TRIP13: variants seen among roughly 807,000 people sequenced by gnomAD.
TRIP13 encodes the protein pachytene checkpoint protein 2 homolog.
In TRIP13, 25 loss-of-function variants were observed where a neutral mutation model predicts 54.4. The observed-to-expected ratio is 0.46, with a 90% confidence interval of 0.33 to 0.64. The LOEUF is 0.64. Ranked by LOEUF, TRIP13 falls within the 30% of genes least tolerant of loss-of-function variation. TRIP13 has a pLI of 0.02. For synonymous variants in TRIP13, 207 were observed against 207.8 expected (o/e 1.00, Z 0.03); for missense variants, 373 against 534.2 (o/e 0.70, Z 2.97).
At position 908,443 on chromosome 5, in the gene TRIP13, A is replaced by G; in HGVS notation, c.848A>G (p.Gln283Arg). The G allele has an allele frequency of 1.2e-6, 2 of 1,613,842 alleles. No individual in the cohort carries two copies. Among genetic ancestry groups the G allele is most frequent in the African/African-American group, 1.3e-5 (1 of 75,032 alleles). ...CGCGTGGTCAATGCTGTCTTGACCC[A>G]AATTGATCAGATTAAAAGGTAACCA... The part of the protein sequence containing the change: ...AIRVVNAVLT[Q>R]IDQIKRHSNV... The change falls in exon 9 of 13, where the codon CAA becomes CGA. Residue 283 changes from glutamine (Q) to arginine (R), a missense_variant. Gln to Arg is a conservative substitution (Grantham distance 43). This residue lies in a region of TRIP13 where 119 missense variants were observed against 223.0 expected (regional missense o/e 0.53). Transcript: ENST00000166345. The surrounding 1 kb of genome is among the most constrained non-coding windows in gnomAD (Gnocchi z 5.2).
chr5:917,151 A>G lies in TRIP13; in HGVS notation c.*48A>G, dbSNP rs1754358792. 1 of 1,592,618 alleles carries G rather than the reference A, an allele frequency of 6.3e-7. No individual in the cohort carries two copies. Among genetic ancestry groups the G allele is most frequent in the South Asian group, 1.1e-5 (1 of 90,044 alleles). On this transcript the variant is annotated 3_prime_UTR_variant, in exon 13 of 13. Coordinates refer to ENST00000166345, the MANE Select transcript of TRIP13 (RefSeq NM_004237.4). ...CTTTTCCCATGGAGAACACACAACC[A>G]GTAAGTGAGGTTGCCCCACACAGCC...
chr5:901,289 G>A, intron 4 of TRIP13, 52 bp from the exon 5 acceptor site: 2 of 1,566,468 alleles, frequency 1.3e-6, no homozygotes, highest in Non-Finnish European at 8.8e-7. Flanking sequence ...ATTTCTTGGG[G>A]ACCTTTGCCT....
At chr5:909,245 A>T (rs1458728527) in intron 9 of TRIP13, among the ~76,000 whole-genome samples, 1 of 152,152 alleles carries the variant, frequency 6.6e-6, no homozygotes, top group Non-Finnish European at 1.5e-5. Context: ...AAGCTTAAGG[A>T]GCGACAGCTG....
Position 908,635 on chromosome 5 carries a change from T to G in TRIP13, c.866+174T>G. ...TTGGAAGCAGCATATCACAAATGCT[T>G]TTTAAAGAAATTGTTTTTAGTGTGT... On this transcript the variant is annotated intron_variant, in intron 9 of 12. Transcript: ENST00000166345. This position sits in a 1 kb window ranked among gnomAD's most constrained non-coding sequence, Gnocchi z 5.2. 1 of 1,436,952 alleles carries G rather than the reference T, an allele frequency of 7.0e-7. No individual in the cohort carries two copies. Among genetic ancestry groups the G allele is most frequent in the Non-Finnish European group, 9.1e-7 (1 of 1,095,966 alleles). The allele number at this position is 1,436,952 out of a possible 1,614,324, so 89.0% of individuals were successfully genotyped here.
Position 893,108 on chromosome 5 carries a change from GAC to G in TRIP13, c.92+22_92+23del. 6.4e-7 allele frequency: 1 copy of G among 1,573,674 alleles called. No homozygotes were observed. The highest frequency in any genetic ancestry group is 8.6e-7 in the Non-Finnish European group (1 of 1,166,342). ...GGCAGCAGGTGAGCCGGACCTGTCCGACACATCCTCTGGGCACCCACCCGCCC... is the reference window on the plus strand; with the variant it reads ...GGCAGCAGGTGAGCCGGACCTGTCCGACATCCTCTGGGCACCCACCCGCCC... On this transcript the variant is annotated intron_variant, in intron 1 of 12. Coordinates refer to ENST00000166345, the MANE Select transcript of TRIP13 (RefSeq NM_004237.4).
rs1727742094 is a variant in TRIP13 at position 915,907 on chromosome 5, G to C, written c.1137G>C (p.Lys379Asn). The C allele has an allele frequency of 6.2e-7, 1 of 1,614,154 alleles. No homozygotes were observed. Among genetic ancestry groups the C allele is most frequent in the Non-Finnish European group, 8.5e-7 (1 of 1,180,006 alleles). ...GAACTGGGTTTTCTTTACACAGGAAGAGCGAGGGCCTCAGCGGCCGGGTCC... is the reference window on the plus strand; with the variant it reads ...GAACTGGGTTTTCTTTACACAGGAACAGCGAGGGCCTCAGCGGCCGGGTCC... The part of the protein sequence containing the change: ...LSLLLNDISR[K>N]SEGLSGRVLR... Residue 379 changes from lysine (K) to asparagine (N), a missense_variant, in exon 12 of 13, where the codon AAG becomes AAC. Physicochemically the swap from Lys to Asn is moderately conservative, Grantham distance 94. Transcript: ENST00000166345. The surrounding 1 kb of genome is among the most constrained non-coding windows in gnomAD (Gnocchi z 4.2).
intron 3 of TRIP13, among the ~76,000 whole-genome samples, chr5:900,160 A>C (rs61574392): frequency 0.022 from 3,412 of 152,364 alleles, 127 homozygotes; most frequent in African/African-American, 0.074. Context: ...ATGGAAAATA[A>C]ATGACAACAA....
chr5:909,991 GTTATGGCCAGTTTTGGGGCCAGT>G (rs1252902683), intron 9 of TRIP13, among the ~76,000 whole-genome samples: 2 of 152,182 alleles, frequency 1.3e-5, no homozygotes, highest in Non-Finnish European at 2.9e-5. Flanking sequence ...CAGAGATTTT[GTTATGGCCAGTTTTGGGGCCAGT>G]TTATGGCCAG....
At position 911,443 on chromosome 5, in the gene TRIP13, C is replaced by T. The variant is rs539236102; in HGVS notation, c.867-400C>T. ...AAAATTAGCCGGGCACGGTGGCGGGCGCCTGTAGTCCCGGCTACTTGGGAG... is the reference window on the plus strand; with the variant it reads ...AAAATTAGCCGGGCACGGTGGCGGGTGCCTGTAGTCCCGGCTACTTGGGAG... On this transcript the variant is annotated intron_variant, in intron 9 of 12. Transcript: ENST00000166345. This position sits in a 1 kb window ranked among gnomAD's most constrained non-coding sequence, Gnocchi z 4.7. Among the ~76,000 whole-genome samples the T allele has an allele frequency of 8.5e-5, 13 of 152,106 alleles. No individual in the cohort carries two copies. The highest frequency in any genetic ancestry group is 1.9e-4 in the East Asian group (1 of 5,184).
intron 11 of TRIP13, among the ~76,000 whole-genome samples, chr5:914,901 C>CA (rs1476789716): frequency 6.6e-6 from 1 of 152,114 alleles, no homozygotes; most frequent in Non-Finnish European, 1.5e-5. Flanking sequence ...TTTGGGGGTC[C>CA]AGGGAGGGTG....
At chr5:895,781 A>G (rs1006896003) in intron 2 of TRIP13, among the ~76,000 whole-genome samples, 21 of 152,228 alleles carry the variant, frequency 1.4e-4, no homozygotes, top group African/African-American at 5.1e-4. Context: ...ACTTGTAGGA[A>G]TTTATCGTAG....
At chr5:909,877 G>T (rs1294007654) in intron 9 of TRIP13, among the ~76,000 whole-genome samples, 1 of 152,226 alleles carries the variant, frequency 6.6e-6, no homozygotes, top group African/African-American at 2.4e-5. Context: ...GCCTTTAAGC[G>T]GTTTTCCACC....
chr5:904,312 A>G (rs2150685802), intron 6 of TRIP13, 92 bp downstream of exon 6: 1 of 1,049,100 alleles, frequency 9.5e-7, no homozygotes, highest in South Asian at 1.5e-5. Flanking sequence ...TTTTACGCAA[A>G]TAATAGATTC....
In TRIP13 at chr5:911,490, G is replaced by A. The variant is rs760619851; in HGVS notation, c.867-353G>A. 2.6e-5 allele frequency among the ~76,000 whole-genome samples: 4 copies of A among 151,934 alleles called. No individual in the cohort carries two copies. Among genetic ancestry groups the A allele is most frequent in the African/African-American group, 7.3e-5 (3 of 41,358 alleles). The stretch of plus-strand genomic sequence containing the variant: ...GGAGGCTGAGGCAGGAGAATGGTGT[G>A]AACCGGCGAGGCGGAGCTTGCAGTG... On this transcript the variant is annotated intron_variant, in intron 9 of 12. Transcript: ENST00000166345. This position sits in a 1 kb window ranked among gnomAD's most constrained non-coding sequence, Gnocchi z 4.7.
chr5:903,261 T>C (rs1307533175), intron 5 of TRIP13, among the ~76,000 whole-genome samples: 4 of 152,126 alleles, frequency 2.6e-5, no homozygotes, highest in Admixed American at 2.6e-4. Context: ...GCATTACTGC[T>C]AGACCAAGGA....
chr5:901,228 G>A lies in TRIP13; in HGVS notation c.445-113G>A, dbSNP rs540903047. ...TGATGATCTCTTAGGAGGCGGCCTC[G>A]CTCCCTGTGCTCCCTCTTCTCATGT... On this transcript the variant is annotated intron_variant, in intron 4 of 12. Transcript: ENST00000166345. 2.1e-5 allele frequency: 18 copies of A among 857,974 alleles called. No individual in the cohort carries two copies. The African/African-American group carries it at 2.6e-4, about 12-fold the overall frequency. The allele number at this position is 857,974 out of a possible 1,614,324, so 53.1% of individuals were successfully genotyped here.
chr5:893,097 C>T lies in TRIP13; in HGVS notation c.92+7C>T, dbSNP rs372025378. On this transcript the variant is annotated splice_region_variant and intron_variant, in intron 1 of 12. Coordinates refer to ENST00000166345, the MANE Select transcript of TRIP13 (RefSeq NM_004237.4). The stretch of plus-strand genomic sequence containing the variant: ...TGCATCAGCGCGGCAGCAGGTGAGC[C>T]GGACCTGTCCGACACATCCTCTGGG... The T allele has an allele frequency of 1.9e-5, 30 of 1,583,352 alleles. No individual in the cohort carries two copies. Among genetic ancestry groups the T allele is most frequent in the Middle Eastern group, 3.4e-4 (2 of 5,966 alleles).
chr5:914,682 C>T (rs947095231), intron 11 of TRIP13, 105 bp downstream of exon 11: 4 of 839,330 alleles, frequency 4.8e-6, no homozygotes, highest in African/African-American at 3.3e-5. Context: ...TGGGTGTGAA[C>T]TCTCAACACA....
In TRIP13 at chr5:912,582, G is replaced by A. The variant is rs1425320023; in HGVS notation, c.1020+586G>A. Among the ~76,000 whole-genome samples the A allele has an allele frequency of 1.3e-5, 2 of 150,222 alleles. No individual in the cohort carries two copies. The highest frequency in any genetic ancestry group is 6.6e-5 in the Admixed American group (1 of 15,110). On this transcript the variant is annotated intron_variant, in intron 10 of 12. Transcript: ENST00000166345. The surrounding 1 kb of genome is among the most constrained non-coding windows in gnomAD (Gnocchi z 7.2). ...TGTGAGTCAGGAGGGCCGTCGCCAC[G>A]GGCACAGTGACGTGCGGTGAGTGTG...
Sources: allele counts gnomAD v4.1 joint callset (sites outside exome capture counted in the v4.1 genomes callset), GRCh38; gene constraint gnomAD v4.1.1; regional missense constraint gnomAD v4.1.1; non-coding constraint Gnocchi (gnomAD v3.1); transcripts MANE v1.5; gene names NCBI Gene and HGNC (gene_info 2026-07-23, HGNC 2026-07-21).